The following SRGAP3 variants were observed in gnomAD, a reference collection of about 807,000 sequenced individuals.
The protein encoded by SRGAP3 is SLIT-ROBO Rho GTPase activating protein 3.
Under a neutral mutation model 121.1 loss-of-function variants are expected in SRGAP3, and 39 were observed. That is an observed-to-expected ratio of 0.32 (90% CI 0.25 to 0.42). The LOEUF (loss-of-function observed/expected upper bound fraction) is 0.42. Ranked by LOEUF, SRGAP3 falls within the 10% of genes least tolerant of loss-of-function variation. SRGAP3 has a pLI of 1.00. For missense variants in SRGAP3, 1,213 were observed against 1,470.6 expected, an observed-to-expected ratio of 0.82 and a Z score of 2.86; for synonymous variants, 601 against 570.0, an observed-to-expected ratio of 1.05 and a Z score of -0.77.
At chr3:9,205,408 G>A (rs1952230665) in intron 1 of SRGAP3, among the ~76,000 whole-genome samples, 1 of 152,210 alleles carries the variant, frequency 6.6e-6, no homozygotes, top group Non-Finnish European at 1.5e-5. Flanking sequence ...CATTTCAAAT[G>A]CTCAATAGCC....
chr3:9,083,089 A>G (rs1005548265), intron 3 of SRGAP3, among the ~76,000 whole-genome samples: 8 of 152,012 alleles, frequency 5.3e-5, no homozygotes, highest in African/African-American at 1.9e-4. Context: ...CCCATTTCCT[A>G]TTCTCCATGA....
At chr3:9,303,301 T>C (rs1335832119) in intron 3 of SRGAP3, among the ~76,000 whole-genome samples, 1 of 152,082 alleles carries the variant, frequency 6.6e-6, no homozygotes, top group Non-Finnish European at 1.5e-5. Context: ...GGCGCATGCC[T>C]GTAGTCCCAG....
intron 1 of SRGAP3, among the ~76,000 whole-genome samples, chr3:9,182,054 T>C (rs1951423457): frequency 6.6e-6 from 1 of 151,810 alleles, no homozygotes; most frequent in African/African-American, 2.4e-5. Flanking sequence ...CACATGCCTC[T>C]AGTCCCATCT....
chr3:9,139,912 A>C (rs978478305), intron 1 of SRGAP3, among the ~76,000 whole-genome samples: 8 of 152,186 alleles, frequency 5.3e-5, no homozygotes, highest in African/African-American at 1.7e-4. Flanking sequence ...AGAGAAGGAC[A>C]GGGGTATTCT....
At chr3:9,094,354 T>C (rs1447745921) in intron 3 of SRGAP3, among the ~76,000 whole-genome samples, 1 of 152,232 alleles carries the variant, frequency 6.6e-6, no homozygotes, top group South Asian at 2.1e-4. Context: ...ACCCACAACC[T>C]ATTTAACCAT....
At position 9,058,304 on chromosome 3, in the gene SRGAP3, G is replaced by C. The variant is rs759379497; in HGVS notation, c.970C>G (p.Gln324Glu). 4 of 1,614,234 alleles carry C rather than the reference G, an allele frequency of 2.5e-6. No homozygotes were observed. In the East Asian group the frequency reaches 6.7e-5, roughly 27 times the overall value. The change falls in exon 7 of 22, where the codon CAA (glutamine) becomes GAA (glutamate). Residue 324 changes from glutamine (Q) to glutamate (E), a missense_variant. This residue lies in a region of SRGAP3 where 793 missense variants were observed against 1,032.9 expected (regional missense o/e 0.77). Transcript: ENST00000383836. The part of the protein sequence containing the change: ...DKHTVMDMCN[Q>E]VFCPPLKFEF... ...AACTTGAGTGGAGGGCAGAAGACTT[G>C]ATTGCACATGTCCATGACTGTGTGC...
chr3:9,013,774 T>C lies in SRGAP3; in HGVS notation c.1882A>G (p.Ile628Val), dbSNP rs2271207. ...QILVTLPRVV[I>V]VVMRYLFAFL... is the part of the protein sequence containing the mutation. ...GCGAAGAGGTATCTCATGACCACAATGACCACGCGGGGAAGGGTGACGAGG... is the reference window on the plus strand; with the variant it reads ...GCGAAGAGGTATCTCATGACCACAACGACCACGCGGGGAAGGGTGACGAGG... Residue 628 changes from isoleucine (I) to valine (V), a missense_variant, in exon 16 of 22, where the codon ATT becomes GTT. Transcript: ENST00000383836. 7.4e-4 allele frequency: 1,190 copies of C among 1,614,098 alleles called. 14 individuals are homozygous for C. The East Asian group carries it at 0.025, about 34-fold the overall frequency.
intron 3 of SRGAP3, among the ~76,000 whole-genome samples, chr3:9,099,092 G>A (rs1318905419): frequency 1.3e-5 from 2 of 152,188 alleles, no homozygotes; most frequent in African/African-American, 4.8e-5. Context: ...CAAGGCCAGT[G>A]GGTGCTTTTG....
At chr3:9,183,638 A>G (rs1479043486) in intron 1 of SRGAP3, among the ~76,000 whole-genome samples, 2 of 152,212 alleles carry the variant, frequency 1.3e-5, no homozygotes, top group African/African-American at 4.8e-5. Context: ...TTTTAATTTT[A>G]TAACAAGCAT....
chr3:9,044,178 A>C (rs1450223994), intron 10 of SRGAP3, among the ~76,000 whole-genome samples: 3 of 152,210 alleles, frequency 2.0e-5, no homozygotes, highest in Non-Finnish European at 4.4e-5. Context: ...GTTTCATCTA[A>C]CTTGTAGTTT....
chr3:9,224,045 C>T (rs985877043), intron 1 of SRGAP3, among the ~76,000 whole-genome samples: 13 of 152,120 alleles, frequency 8.5e-5, no homozygotes, highest in African/African-American at 1.4e-4. Flanking sequence ...GGAAAACAGA[C>T]GCCCCTGCAG....
At chr3:8,986,330 T>TA in intron 21 of SRGAP3, among the ~76,000 whole-genome samples, 1 of 152,292 alleles carries the variant, frequency 6.6e-6, no homozygotes, top group Middle Eastern at 3.4e-3. Context: ...GATGAGTGCA[T>TA]TAAATGATAC....
At chr3:9,269,155 C>G (rs1954426927) in intron 3 of SRGAP3, among the ~76,000 whole-genome samples, 1 of 152,152 alleles carries the variant, frequency 6.6e-6, no homozygotes, top group Non-Finnish European at 1.5e-5. Context: ...GAATAGAAAG[C>G]CTTTGTGTGG....
chr3:9,215,958 G>C (rs1284621021), intron 1 of SRGAP3, among the ~76,000 whole-genome samples: 1 of 152,174 alleles, frequency 6.6e-6, no homozygotes, highest in Non-Finnish European at 1.5e-5. Flanking sequence ...CCTCCATTAT[G>C]ATGTGAGCCA....
At chr3:9,064,696 C>A in intron 4 of SRGAP3, 115 bp from the exon 5 acceptor site, 1 of 1,200,862 alleles carries the variant, frequency 8.3e-7, no homozygotes, top group Non-Finnish European at 1.2e-6. Flanking sequence ...GCCCTGGTCC[C>A]AAAACACACT....
At chr3:9,031,705 C>G (rs930560975) in intron 12 of SRGAP3, among the ~76,000 whole-genome samples, 2 of 152,208 alleles carry the variant, frequency 1.3e-5, no homozygotes, top group South Asian at 2.1e-4. Flanking sequence ...AAGTAGACAG[C>G]TGGAGCACGA....
chr3:9,343,495 C>T (rs989984498), intron 1 of SRGAP3, among the ~76,000 whole-genome samples: 2 of 152,096 alleles, frequency 1.3e-5, no homozygotes, highest in African/African-American at 4.8e-5. Context: ...TTTGTAAATA[C>T]TTTTTTCTTT....
intron 18 of SRGAP3, among the ~76,000 whole-genome samples, chr3:8,997,208 C>A (rs1942458796): frequency 6.6e-6 from 1 of 152,312 alleles, no homozygotes; most frequent in African/African-American, 2.4e-5. Context: ...CTCTGTTACC[C>A]AAGCTTACTT....
chr3:9,243,915 C>T (rs1385026651), intron 1 of SRGAP3, among the ~76,000 whole-genome samples: 1 of 152,188 alleles, frequency 6.6e-6, no homozygotes, highest in Non-Finnish European at 1.5e-5. Context: ...GCTTAAAAAT[C>T]CAGATTCCCT....
Sources: allele counts gnomAD v4.1 joint callset (sites outside exome capture counted in the v4.1 genomes callset), GRCh38; gene constraint gnomAD v4.1.1; regional missense constraint gnomAD v4.1.1; transcripts MANE v1.5; gene names NCBI Gene and HGNC (gene_info 2026-07-23, HGNC 2026-07-21).